Variants in STK32B observed in about 807,000 individuals in gnomAD.
STK32B encodes serine/threonine kinase 32B, also known as serine/threonine-protein kinase 32B.
STK32B carries 43 observed loss-of-function variants against 52.6 expected under a neutral mutation model. That is an observed-to-expected ratio of 0.82 (90% CI 0.64 to 1.05). The LOEUF (loss-of-function observed/expected upper bound fraction) is 1.05. STK32B is among the 50% of genes least tolerant of loss of function. STK32B has a pLI of 0.00. For missense variants in STK32B, 621 were observed against 534.6 expected (o/e 1.16, Z -1.59); for synonymous variants, 238 against 204.3 (o/e 1.17, Z -1.41).
chr4:5,167,067 C>G (rs1474233087), intron 2 of STK32B, among the ~76,000 whole-genome samples: 2 of 152,164 alleles, frequency 1.3e-5, no homozygotes, highest in African/African-American at 4.8e-5. Flanking sequence ...TCCACGCCCT[C>G]CGTTACAGGA....
chr4:5,201,283 C>G (rs902100149), intron 3 of STK32B, among the ~76,000 whole-genome samples: 1 of 152,144 alleles, frequency 6.6e-6, no homozygotes, highest in Non-Finnish European at 1.5e-5. Flanking sequence ...GTCCCTTCTC[C>G]TGTTTCTGGG....
At chr4:5,482,484 G>C (rs1172248863) in intron 11 of STK32B, among the ~76,000 whole-genome samples, 3 of 151,948 alleles carry the variant, frequency 2.0e-5, no homozygotes, top group Non-Finnish European at 4.4e-5. Context: ...GGAGATTTTG[G>C]GCTGAGATGA....
intron 1 of STK32B, among the ~76,000 whole-genome samples, chr4:5,055,082 C>T (rs1214509022): frequency 6.9e-6 from 1 of 144,658 alleles, no homozygotes; most frequent in Non-Finnish European, 1.5e-5. Flanking sequence ...GGAAAAGCAA[C>T]ATTAAGTGCT....
chr4:5,474,090 G>A (rs1366206487), intron 11 of STK32B, among the ~76,000 whole-genome samples: 1 of 152,060 alleles, frequency 6.6e-6, no homozygotes, highest in Admixed American at 6.5e-5. Context: ...CTCCAGCCTG[G>A]GAGACAGAGC....
chr4:5,223,601 C>G (rs1277408680), intron 3 of STK32B, among the ~76,000 whole-genome samples: 1 of 152,026 alleles, frequency 6.6e-6, no homozygotes, highest in Non-Finnish European at 1.5e-5. Flanking sequence ...ATCACGAGGT[C>G]AGGAGATCGA....
intron 3 of STK32B, among the ~76,000 whole-genome samples, chr4:5,319,911 T>C (rs1731375334): frequency 6.6e-6 from 1 of 152,120 alleles, no homozygotes. Context: ...ACCTCAGACC[T>C]TGCCCCACTT....
intron 3 of STK32B, among the ~76,000 whole-genome samples, chr4:5,258,732 A>G (rs1377833147): frequency 6.6e-6 from 1 of 152,202 alleles, no homozygotes; most frequent in Non-Finnish European, 1.5e-5. Context: ...TGATTGTAAC[A>G]GCTTCATGCC....
At chr4:5,321,617 G>T (rs1404882808) in intron 3 of STK32B, among the ~76,000 whole-genome samples, 1 of 152,078 alleles carries the variant, frequency 6.6e-6, no homozygotes, top group Non-Finnish European at 1.5e-5. Flanking sequence ...CCTGTCCTTT[G>T]TCAGCCACTA....
chr4:5,236,384 A>G (rs1360760994), intron 3 of STK32B, among the ~76,000 whole-genome samples: 3 of 152,190 alleles, frequency 2.0e-5, no homozygotes, highest in African/African-American at 7.2e-5. Flanking sequence ...AGAAAAGTGC[A>G]CTTATGATAA....
In STK32B at chr4:5,398,296, A is replaced by G; in HGVS notation, c.472+52A>G. 2 of 1,606,536 alleles carry G rather than the reference A, an allele frequency of 1.2e-6. No individual in the cohort carries two copies. The highest frequency in any genetic ancestry group is 1.7e-6 in the Non-Finnish European group (2 of 1,174,278). On this transcript the variant is annotated intron_variant, in intron 5 of 11. Coordinates refer to ENST00000282908, the MANE Select transcript of STK32B (RefSeq NM_018401.3). This position sits in a 1 kb window ranked among gnomAD's most constrained non-coding sequence, Gnocchi z 4.9. ...GGACTCTCAGTGGAAAGTTTGAGGC[A>G]CTGGGAAATAGTGCGGGGGTGGGGG...
chr4:5,192,227 A>C (rs1308102623), intron 3 of STK32B, among the ~76,000 whole-genome samples: 1 of 152,172 alleles, frequency 6.6e-6, no homozygotes, highest in African/African-American at 2.4e-5. Context: ...TCACAAGGGA[A>C]TGTTGTGGAT....
At chr4:5,129,467 A>G (rs1715614418) in intron 1 of STK32B, among the ~76,000 whole-genome samples, 1 of 152,170 alleles carries the variant, frequency 6.6e-6, no homozygotes, top group Non-Finnish European at 1.5e-5. Flanking sequence ...TGCAATGACT[A>G]TTTGTTGAAT....
the STK32B span, among the ~76,000 whole-genome samples, chr4:5,043,038 G>A: frequency 5.3e-5 from 8 of 151,080 alleles, no homozygotes; most frequent in South Asian, 2.1e-4. Flanking sequence ...CCCGGGAAGC[G>A]GAGCTTGCAG....
At chr4:5,066,935 G>T (rs1000019901) in intron 1 of STK32B, among the ~76,000 whole-genome samples, 1 of 152,148 alleles carries the variant, frequency 6.6e-6, no homozygotes, top group Non-Finnish European at 1.5e-5. Flanking sequence ...CTCCTTCATA[G>T]CATTGAACAC....
intron 4 of STK32B, among the ~76,000 whole-genome samples, chr4:5,367,353 G>A (rs1734942516): frequency 6.6e-6 from 1 of 152,172 alleles, no homozygotes; most frequent in African/African-American, 2.4e-5. Flanking sequence ...GGAGCAAAAG[G>A]GTGAACGTGA....
chr4:5,092,659 G>A (rs956866092), intron 1 of STK32B, among the ~76,000 whole-genome samples: 8 of 152,120 alleles, frequency 5.3e-5, no homozygotes, highest in South Asian at 2.1e-4. Flanking sequence ...TGAGGAGTCC[G>A]TCTCATCTGG....
intron 11 of STK32B, among the ~76,000 whole-genome samples, chr4:5,487,772 T>G (rs1271358070): frequency 6.6e-6 from 1 of 152,196 alleles, no homozygotes; most frequent in Non-Finnish European, 1.5e-5. Flanking sequence ...TTCTGACACC[T>G]TAGGATAAGC....
intron 6 of STK32B, among the ~76,000 whole-genome samples, chr4:5,442,385 T>G (rs1040563692): frequency 6.6e-6 from 1 of 152,068 alleles, no homozygotes; most frequent in African/African-American, 2.4e-5. Flanking sequence ...TTTTGATCTT[T>G]GTTGGTTTAA....
intron 1 of STK32B, among the ~76,000 whole-genome samples, chr4:5,130,224 G>T (rs1032213846): frequency 2.0e-5 from 3 of 151,790 alleles, no homozygotes; most frequent in Admixed American, 6.6e-5. Flanking sequence ...CCATGACCAG[G>T]CGTTCCAGGC....
Sources: allele counts gnomAD v4.1 joint callset (sites outside exome capture counted in the v4.1 genomes callset), GRCh38; gene constraint gnomAD v4.1.1; non-coding constraint Gnocchi (gnomAD v3.1); transcripts MANE v1.5; gene names NCBI Gene and HGNC (gene_info 2026-07-23, HGNC 2026-07-21).